Variants in PDE11A observed in about 807,000 individuals in gnomAD.
PDE11A encodes the protein phosphodiesterase 11A.
In PDE11A, 100 loss-of-function variants were observed where a neutral mutation model predicts 100.5. The observed-to-expected ratio is 1.00, with a 90% CI of 0.85 to 1.18. The LOEUF (loss-of-function observed/expected upper bound fraction) is 1.18, where lower values mean the gene tolerates loss of function less well. PDE11A is among the 50% of genes most tolerant of loss of function. The probability of loss-of-function intolerance (pLI) is 0.00; values close to 1 mark genes in which losing one functional copy is unlikely to be tolerated. For synonymous variants in PDE11A, 381 were observed against 420.8 expected (o/e 0.91, Z 1.16); for missense variants, 1,141 against 1,152.6 (o/e 0.99, Z 0.15).
intron 9 of PDE11A, among the ~76,000 whole-genome samples, chr2:177,789,481 G>C (rs578129697): frequency 0.011 from 1,645 of 151,736 alleles, 35 homozygotes; most frequent in African/African-American, 0.037. Context: ...ACTGGCACAA[G>C]ACAGGGATGC....
At chr2:178,106,755 T>G (rs945470921) in intron 1 of PDE11A, among the ~76,000 whole-genome samples, 1 of 151,370 alleles carries the variant, frequency 6.6e-6, no homozygotes, top group African/African-American at 2.4e-5. Context: ...AGGTCAGGAG[T>G]TCGAGACCAG....
At chr2:177,835,254 C>T (rs1574194256) in intron 6 of PDE11A, among the ~76,000 whole-genome samples, 1 of 152,200 alleles carries the variant, frequency 6.6e-6, no homozygotes, top group East Asian at 1.9e-4. Context: ...ATTAGGGACA[C>T]CTTATCCTGT....
chr2:177,939,788 G>A (rs952661600), intron 2 of PDE11A, among the ~76,000 whole-genome samples: 7 of 152,158 alleles, frequency 4.6e-5, no homozygotes, highest in South Asian at 2.1e-4. Flanking sequence ...AGGCAAACCA[G>A]GACAAGTTGG....
chr2:177,771,066 C>T (rs867373095), intron 9 of PDE11A, among the ~76,000 whole-genome samples: 2 of 152,102 alleles, frequency 1.3e-5, no homozygotes, highest in East Asian at 1.9e-4. Context: ...TGGGTTCAAG[C>T]GATCCTCCCG....
chr2:177,701,000 A>G, intron 14 of PDE11A, 121 bp downstream of exon 14: 2 of 732,366 alleles, frequency 2.7e-6, no homozygotes, highest in Non-Finnish European at 5.1e-6. Flanking sequence ...CATTAAGTTG[A>G]CTTAGAAATG....
intron 2 of PDE11A, among the ~76,000 whole-genome samples, 159 bp downstream of exon 2, chr2:178,014,143 G>A (rs965009842): frequency 1.1e-4 from 17 of 152,056 alleles, no homozygotes; most frequent in African/African-American, 2.9e-4. Flanking sequence ...ATGAAATATC[G>A]AAAAACTCCC....
chr2:177,871,763 G>A (rs2084140701), intron 5 of PDE11A, among the ~76,000 whole-genome samples: 1 of 151,838 alleles, frequency 6.6e-6, no homozygotes, highest in African/African-American at 2.4e-5. Flanking sequence ...GGGAGGTTGA[G>A]ATGGGAGGAT....
rs1473876202 is a variant in PDE11A at position 177,977,769 on chromosome 2, C to T, written c.1071+36533G>A. Among the ~76,000 whole-genome samples the T allele has an allele frequency of 9.5e-5, 14 of 146,828 alleles. 1 individual carries two copies. Among genetic ancestry groups the T allele is most frequent in the Admixed American group, 7.5e-4 (11 of 14,668 alleles). ...TAGATCAATGGAACAGAAATAATGC[C>T]GCATATCTACAACTATCTGATCTTT... On this transcript the variant is annotated intron_variant, in intron 2 of 19. Coordinates refer to ENST00000286063, the MANE Select transcript of PDE11A (RefSeq NM_016953.4).
chr2:177,694,878 A>C (rs1304212289), intron 15 of PDE11A, among the ~76,000 whole-genome samples: 2 of 152,100 alleles, frequency 1.3e-5, no homozygotes, highest in Non-Finnish European at 2.9e-5. Flanking sequence ...AGTTGCTCCT[A>C]CTACTATTTT....
At position 177,697,337 on chromosome 2, in the gene PDE11A, G is replaced by C. The variant is rs753787322; in HGVS notation, c.2340C>G (p.Tyr780Ter). 38 of 1,513,452 alleles carry C rather than the reference G, an allele frequency of 2.5e-5. No homozygotes were observed. In the Admixed American group the frequency reaches 6.0e-4, roughly 24 times the overall value. The allele number at this position is 1,513,452 out of a possible 1,614,324, so 93.8% of individuals were successfully genotyped here. Residue 780 changes from tyrosine to a stop codon, truncating the protein, a stop_gained, in exon 15 of 20, where the codon TAC becomes TAG. Coordinates refer to ENST00000286063, the MANE Select transcript of PDE11A (RefSeq NM_016953.4). LOFTEE classifies it high-confidence loss of function. ...QSILATDLTL[Y>*]FERRTEFFEL... ...GATCAAATGCCAATACCTACTCAAA[G>C]TACAGCGTGAGGTCTGTTGCCAATA...
At chr2:177,631,542 TATATACAC>T (rs752991118) in intron 19 of PDE11A, among the ~76,000 whole-genome samples, 10,527 of 29,156 alleles carry the variant, frequency 0.36, 3,827 homozygotes, top group East Asian at 0.52. Context: ...TATATATATA[TATATACAC>T]ATGTATATAT....
At chr2:177,886,925 C>A (rs2084442454) in intron 4 of PDE11A, among the ~76,000 whole-genome samples, 1 of 152,078 alleles carries the variant, frequency 6.6e-6, no homozygotes, top group Non-Finnish European at 1.5e-5. Flanking sequence ...AGCCTGAAGA[C>A]ATGTAGGCCT....
At chr2:177,999,157 A>G (rs1202735714) in intron 2 of PDE11A, among the ~76,000 whole-genome samples, 3 of 152,210 alleles carry the variant, frequency 2.0e-5, no homozygotes, top group Non-Finnish European at 4.4e-5. Flanking sequence ...AAAAGAAGCA[A>G]TGGACATTTA....
At chr2:177,669,383 C>T (rs1458344935) in intron 18 of PDE11A, 110 bp downstream of exon 18, 2 of 713,400 alleles carry the variant, frequency 2.8e-6, no homozygotes, top group East Asian at 5.0e-5. Context: ...TTCAGGAGTG[C>T]TTCCTTAAAC....
Position 177,697,356 on chromosome 2 carries a change from G to T in PDE11A, c.2321C>A (p.Ala774Glu). 1 of 1,585,448 alleles carries T rather than the reference G, an allele frequency of 6.3e-7. No individual in the cohort carries two copies. The highest frequency in any genetic ancestry group is 8.7e-7 in the Non-Finnish European group (1 of 1,154,026). Residue 774 changes from alanine to glutamate, a missense_variant, in exon 15 of 20, where the codon GCA (alanine) becomes GAA (glutamate). Ala to Glu is a moderately radical substitution (Grantham distance 107, BLOSUM62 -1). Transcript: ENST00000286063. ...CTCAAAGTACAGCGTGAGGTCTGTT[G>T]CCAATATTGACTGCTTCAAAAGCTG... ...LMQLLKQSILATDLTLYFERR... is the reference protein window; with the variant it reads ...LMQLLKQSILETDLTLYFERR...
intron 9 of PDE11A, among the ~76,000 whole-genome samples, chr2:177,810,193 C>T (rs2082929160): frequency 1.3e-5 from 2 of 152,180 alleles, no homozygotes; most frequent in African/African-American, 4.8e-5. Flanking sequence ...TGTCAATTCT[C>T]CCAACATAGC....
chr2:177,734,957 G>A (rs1425289087), intron 10 of PDE11A, among the ~76,000 whole-genome samples: 2 of 152,196 alleles, frequency 1.3e-5, no homozygotes, highest in African/African-American at 2.4e-5. Flanking sequence ...CCAGGAGACC[G>A]CCCAGTTTAA....
chr2:177,961,755 T>C (rs1328330821), intron 2 of PDE11A, among the ~76,000 whole-genome samples: 11 of 152,080 alleles, frequency 7.2e-5, no homozygotes, highest in Admixed American at 7.2e-4. Context: ...TTGAAGATAA[T>C]TGTAAAATAT....
At position 178,071,655 on chromosome 2, in the gene PDE11A, A is replaced by G; in HGVS notation, c.783T>C (p.His261=). 6.2e-7 allele frequency: 1 copy of G among 1,613,106 alleles called. No homozygotes were observed. Among genetic ancestry groups the G allele is most frequent in the Non-Finnish European group, 8.5e-7 (1 of 1,179,094 alleles). Residue 261 remains histidine, a synonymous_variant, in exon 1 of 20, where the codon CAT becomes CAC. Transcript: ENST00000286063. ...TGCAAGGCAGCAGAGGTGTTCCTGC[A>G]TGCACATCAAAGAATTTGGAGACCA... ...KTLVSKFFDV[H]AGTPLLPCSS...
Sources: gnomAD v4.1 joint callset for allele counts (sites outside exome capture counted in the v4.1 genomes callset) on GRCh38, gnomAD v4.1.1 for gene constraint, MANE v1.5 for transcripts, NCBI Gene and HGNC (gene_info 2026-07-23, HGNC 2026-07-21) for gene names.